AIFM3: variants seen among roughly 807,000 people sequenced by gnomAD.
AIFM3 encodes the protein AIF family member 3, also known as apoptosis-inducing factor 3.
Under a neutral mutation model 82.7 loss-of-function variants are expected in AIFM3, and 71 were observed. That is an observed-to-expected ratio of 0.86 (90% confidence interval 0.71 to 1.05). The LOEUF is 1.05. Ranked by LOEUF, AIFM3 falls within the 50% of genes least tolerant of loss-of-function variation. The probability of loss-of-function intolerance (pLI) is 0.00; values close to 1 mark genes in which losing one functional copy is unlikely to be tolerated. For missense variants in AIFM3, 748 were observed against 816.7 expected (o/e 0.92, Z 1.03); for synonymous variants, 337 against 329.1 (o/e 1.02, Z -0.26).
rs1302514374 is a variant in AIFM3, at chr22:20,980,784, T to C, written c.1778+17T>C. On this transcript the variant is annotated intron_variant, in intron 20 of 20. Coordinates refer to ENST00000440238, the MANE Select transcript of AIFM3 (RefSeq NM_001386814.1). ...GCACAGCAAGTACGTGTGTCCTTCA[T>C]GTTGACCGTTCTGAGCCTTTCCCAT... The C allele has an allele frequency of 6.2e-7, 1 of 1,614,210 alleles. No homozygotes were observed. The highest frequency in any genetic ancestry group is 2.2e-5 in the East Asian group (1 of 44,890).
In AIFM3 at chr22:20,973,265, G is replaced by A. The variant is rs1476963744; in HGVS notation, c.32-42G>A. On this transcript the variant is annotated intron_variant, in intron 2 of 20. Coordinates refer to ENST00000440238, the MANE Select transcript of AIFM3 (RefSeq NM_001386814.1). The stretch of plus-strand genomic sequence containing the variant: ...CCCAGCTTGAGGGATGGGGGAGGAA[G>A]TTGGCTGAGGTGGGGGGCTCAAGGC... 4 of 1,548,330 alleles carry A rather than the reference G, an allele frequency of 2.6e-6. No individual in the cohort carries two copies. The South Asian group carries it at 4.8e-5, about 18-fold the overall frequency.
rs749873712 is a variant in AIFM3, at chr22:20,976,777, C to T, written c.1146+11C>T. 2.5e-6 allele frequency: 4 copies of T among 1,610,422 alleles called. No individual in the cohort carries two copies. The East Asian group carries it at 8.9e-5, about 36-fold the overall frequency. On this transcript the variant is annotated intron_variant, in intron 12 of 20. Transcript: ENST00000440238. ...CGTGCCCTCATGAAGGTGAGCCCAC[C>T]CCAGCACCCAGTGCCTTGGAGCCCT... is the stretch of plus-strand genomic sequence containing the variant.
intron 2 of AIFM3, among the ~76,000 whole-genome samples, chr22:20,969,936 G>T (rs1009542743): frequency 1.2e-4 from 18 of 152,138 alleles, no homozygotes; most frequent in Admixed American, 1.3e-4. Flanking sequence ...TTTCTATCTT[G>T]CTCCACTCGA....
At chr22:20,965,194 C>G, upstream of AIFM3, 1 of 148,600 alleles carries the variant, frequency 6.7e-6, no homozygotes, top group Non-Finnish European at 1.5e-5. Context: ...AGCCCAGGCC[C>G]GCGCCGAGCC....
At chr22:20,966,078 C>T (rs1490096286), upstream of AIFM3, among the ~76,000 whole-genome samples, 3 of 152,142 alleles carry the variant, frequency 2.0e-5, no homozygotes, top group Non-Finnish European at 2.9e-5. Flanking sequence ...ACAGGGGCCC[C>T]ACCCAGTCTC....
chr22:20,974,677 T>C (rs759440982), intron 7 of AIFM3, 27 bp from the exon 8 acceptor site: 2 of 1,613,584 alleles, frequency 1.2e-6, no homozygotes, highest in Admixed American at 3.3e-5. Context: ...GAGAAGTGGT[T>C]CCTGGCCCAC....
chr22:20,973,934 G>A (rs1923447076), intron 4 of AIFM3, 67 bp downstream of exon 4: 1 of 1,472,864 alleles, frequency 6.8e-7, no homozygotes, highest in Admixed American at 2.2e-5. Context: ...CTCCTCCCCA[G>A]ACCCCAGGAT....
At chr22:20,970,608 A>G (rs1309597589) in intron 2 of AIFM3, among the ~76,000 whole-genome samples, 1 of 152,172 alleles carries the variant, frequency 6.6e-6, no homozygotes, top group African/African-American at 2.4e-5. Context: ...TTATAAGCGC[A>G]TGCCATCATG....
intron 16 of AIFM3, among the ~76,000 whole-genome samples, chr22:20,978,530 G>A (rs2147948966): frequency 6.6e-6 from 1 of 152,100 alleles, no homozygotes. Flanking sequence ...TGCACATCTG[G>A]TCTGGGCCCC....
At chr22:20,977,215 T>TG (rs67757517) in intron 14 of AIFM3, 120 bp downstream of exon 14, 568,314 of 1,369,696 alleles carry the variant, frequency 0.41, 121,519 homozygotes, top group East Asian at 0.62. Flanking sequence ...ATCTGTCAAA[T>TG]GGGAACCCCC....
chr22:20,979,320 T>C lies in AIFM3; in HGVS notation c.1527T>C (p.Thr509=), dbSNP rs902349384. The C allele has an allele frequency of 1.9e-6, 3 of 1,560,620 alleles. No individual in the cohort carries two copies. The highest frequency in any genetic ancestry group is 1.4e-5 in the African/African-American group (1 of 73,604). Residue 509 remains threonine, a synonymous_variant, in exon 17 of 21, where the codon ACT becomes ACC. Coordinates refer to ENST00000440238, the MANE Select transcript of AIFM3 (RefSeq NM_001386814.1). ...TGGCGCAGGAGGCGGAGATGAGCACTGTGCCCTACCTCTGGACCGCCATGT... is the reference window on the plus strand; with the variant it reads ...TGGCGCAGGAGGCGGAGATGAGCACCGTGCCCTACCTCTGGACCGCCATGT... The part of the protein sequence containing the change: ...NMLAQEAEMS[T]VPYLWTAMFG...
At chr22:20,975,827 C>T (rs79049307) in intron 9 of AIFM3, 49 bp downstream of exon 9, 108 of 1,594,434 alleles carry the variant, frequency 6.8e-5, no homozygotes, top group Non-Finnish European at 8.0e-5. Flanking sequence ...AGGTGGGAAC[C>T]GTGAGGTTGT....
At chr22:20,969,898 G>A (rs951510374) in intron 2 of AIFM3, among the ~76,000 whole-genome samples, 6 of 152,038 alleles carry the variant, frequency 3.9e-5, no homozygotes, top group African/African-American at 9.7e-5. Flanking sequence ...ACTAGATCAA[G>A]CAGAAGACCT....
chr22:20,977,237 C>G, intron 14 of AIFM3, 142 bp downstream of exon 14: 1 of 1,169,126 alleles, frequency 8.6e-7, no homozygotes, highest in East Asian at 2.6e-5. Flanking sequence ...ACCGCCCCCA[C>G]TTTACGGAGC....
Position 20,972,258 on chromosome 22 carries a change from C to T in AIFM3, c.32-1049C>T, listed in dbSNP as rs191027749. On this transcript the variant is annotated intron_variant, in intron 2 of 20. Coordinates refer to ENST00000440238, the MANE Select transcript of AIFM3 (RefSeq NM_001386814.1). ...CTCTACTAAAAATACAAAAATTAGT[C>T]AGGTGTGGTGGCACACGCCTGTAAT... Among the ~76,000 whole-genome samples, 328 of 152,176 alleles carry T rather than the reference C, an allele frequency of 2.2e-3. 4 individuals are homozygous for T. The highest frequency in any genetic ancestry group is 0.018 in the Admixed American group (272 of 15,282).
At chr22:20,979,420 G>A (rs764188352) in intron 17 of AIFM3, 51 bp downstream of exon 17, 1 of 1,518,456 alleles carries the variant, frequency 6.6e-7, no homozygotes, top group Non-Finnish European at 8.9e-7. Context: ...TTAGGGGCGG[G>A]GCTTGGGTGT....
chr22:20,973,456 T>A lies in AIFM3; in HGVS notation c.181T>A (p.Tyr61Asn), dbSNP rs1443233285. ...TEERLSTPHP[Y>N]PSPQDCVEAA... Reference sequence around the variant, plus strand: ...GGAGCGCCTGTCCACCCCTCACCCCTACCCCAGCCCTCAGGATTGCGTGGA... The same window carrying A: ...GGAGCGCCTGTCCACCCCTCACCCCAACCCCAGCCCTCAGGATTGCGTGGA... The change falls in exon 3 of 21, where the codon TAC becomes AAC. Residue 61 changes from tyrosine to asparagine, a missense_variant. By Grantham distance (143) the Tyr-to-Asn change is moderately radical. This residue lies in a region of AIFM3 where 148 missense variants were observed against 134.1 expected (regional missense o/e 1.10). Coordinates refer to ENST00000440238, the MANE Select transcript of AIFM3 (RefSeq NM_001386814.1). The A allele has an allele frequency of 6.2e-7, 1 of 1,613,120 alleles. No individual in the cohort carries two copies. The highest frequency in any genetic ancestry group is 1.3e-5 in the African/African-American group (1 of 75,026).
chr22:20,971,998 T>C (rs966574404), intron 2 of AIFM3, among the ~76,000 whole-genome samples: 1 of 150,452 alleles, frequency 6.6e-6, no homozygotes, highest in African/African-American at 2.5e-5. Context: ...CTCTGTGCCA[T>C]CCACATGCAT....
At position 20,974,614 on chromosome 22, in the gene AIFM3, G is replaced by T. The variant is rs200165374; in HGVS notation, c.600G>T (p.Val200=). The T allele has an allele frequency of 9.2e-5, 148 of 1,613,744 alleles. 1 individual carries two copies. The highest frequency in any genetic ancestry group is 1.7e-4 in the Middle Eastern group (1 of 6,060). ...GYSSSTNVLI[V]GAGAAGLVCA... ...GCAGTAGCACCAATGTGCTCATTGTGGGTGCAGGTTGGTAGTGGGGTCATG... is the reference window on the plus strand; with the variant it reads ...GCAGTAGCACCAATGTGCTCATTGTTGGTGCAGGTTGGTAGTGGGGTCATG... The change falls in exon 7 of 21, where the codon GTG becomes GTT. Residue 200 remains valine (V), a synonymous_variant. Coordinates refer to ENST00000440238, the MANE Select transcript of AIFM3 (RefSeq NM_001386814.1).
Sources: gnomAD v4.1 joint callset for allele counts (sites outside exome capture counted in the v4.1 genomes callset) on GRCh38, gnomAD v4.1.1 for gene constraint, gnomAD v4.1.1 regional missense constraint, MANE v1.5 for transcripts, NCBI Gene and HGNC (gene_info 2026-07-23, HGNC 2026-07-21) for gene names.